Variants in CFAP47 observed in about 807,000 individuals in gnomAD.
CFAP47 encodes the protein cilia- and flagella-associated protein 47.
CFAP47 carries 29 observed loss-of-function variants against 148.1 expected under a neutral mutation model. The ratio of observed to expected loss-of-function variants is 0.20; its 90% confidence interval spans 0.15 to 0.27. The LOEUF is 0.27. Ranked by LOEUF, CFAP47 falls within the 10% of genes least tolerant of loss-of-function variation. CFAP47 has a pLI of 1.00. For missense variants in CFAP47, 1,872 were observed against 1,697.5 expected (o/e 1.10, Z -1.81); for synonymous variants, 664 against 577.3 (o/e 1.15, Z -2.15).
chrX:36,294,209 A>T (rs985714021), intron 51 of CFAP47, among the ~76,000 whole-genome samples: 1 of 110,832 alleles, frequency 9.0e-6, no homozygotes, highest in African/African-American at 3.3e-5. Context: ...TCATCCTGCA[A>T]CCTGAAAGAG....
intron 15 of CFAP47, among the ~76,000 whole-genome samples, 193 bp downstream of exon 15, chrX:35,976,106 C>T: frequency 9.0e-6 from 1 of 110,531 alleles, no homozygotes; most frequent in Non-Finnish European, 1.9e-5. Context: ...TGTTAGGGTT[C>T]TCCAGAGAAA....
At chrX:36,062,377 A>C (rs1012716967) in intron 26 of CFAP47, among the ~76,000 whole-genome samples, 3 of 111,766 alleles carry the variant, frequency 2.7e-5, no homozygotes, top group Non-Finnish European at 5.6e-5. Context: ...ATGAAGCTTC[A>C]AAGTTTTATT....
At chrX:36,081,409 G>C (rs1937979453) in intron 29 of CFAP47, among the ~76,000 whole-genome samples, 1 of 111,243 alleles carries the variant, frequency 9.0e-6, no homozygotes, top group African/African-American at 3.3e-5. Context: ...AATTCTACCA[G>C]ATATTCAAAG....
At chrX:36,371,678 A>ATATATGTGTGTATATACACACATGTG (rs1941944619) in intron 62 of CFAP47, among the ~76,000 whole-genome samples, 1 of 73,285 alleles carries the variant, frequency 1.4e-5, no homozygotes, top group African/African-American at 6.3e-5. Flanking sequence ...ACACATGTGT[A>ATATATGTGTGTATATACACACATGTG]TATATGTGTG....
At chrX:35,959,975 T>C (rs1289553447) in intron 8 of CFAP47, among the ~76,000 whole-genome samples, 1 of 110,305 alleles carries the variant, frequency 9.1e-6, no homozygotes, top group African/African-American at 3.3e-5. Context: ...TGTCAGGTTA[T>C]CACAGAATAT....
intron 2 of CFAP47, among the ~76,000 whole-genome samples, chrX:35,928,396 C>T (rs1935777439): frequency 9.0e-6 from 1 of 111,274 alleles, no homozygotes. Context: ...TTGCATTTCC[C>T]CAATGAATAA....
intron 15 of CFAP47, among the ~76,000 whole-genome samples, chrX:35,988,958 T>A (rs755753314): frequency 8.9e-6 from 1 of 112,276 alleles, no homozygotes; most frequent in East Asian, 2.8e-4. Context: ...GTGTGGGCAA[T>A]TTGGTTAGGA....
chrX:36,179,209 A>AT (rs1198068821), intron 39 of CFAP47, 136 bp from the exon 40 acceptor site: 1 of 269,648 alleles, frequency 3.7e-6, no homozygotes. Context: ...AAGCACATGG[A>AT]TTTTTTTAAA....
chrX:36,273,669 G>GT (rs1940983608), intron 49 of CFAP47, among the ~76,000 whole-genome samples: 1 of 111,233 alleles, frequency 9.0e-6, no homozygotes, highest in East Asian at 2.8e-4. Flanking sequence ...AACATAGCAT[G>GT]TACATATGTT....
intron 33 of CFAP47, among the ~76,000 whole-genome samples, chrX:36,132,663 A>G (rs149338936): frequency 2.5e-4 from 28 of 111,930 alleles, no homozygotes; most frequent in African/African-American, 9.0e-4. Context: ...AAAAGACAAG[A>G]TACAGGCATA....
intron 30 of CFAP47, among the ~76,000 whole-genome samples, chrX:36,086,352 T>C (rs1448662439): frequency 8.9e-6 from 1 of 112,001 alleles, no homozygotes; most frequent in Non-Finnish European, 1.9e-5. Context: ...GAACATGTTA[T>C]TACTCCCTCT....
intron 45 of CFAP47, among the ~76,000 whole-genome samples, chrX:36,214,011 A>C (rs1185943715): frequency 9.0e-6 from 1 of 111,364 alleles, no homozygotes; most frequent in Non-Finnish European, 1.9e-5. Flanking sequence ...ATGGCTTAAC[A>C]AAGGGGATAC....
intron 50 of CFAP47, among the ~76,000 whole-genome samples, chrX:36,283,123 T>G (rs1239073402): frequency 2.7e-5 from 3 of 111,725 alleles, no homozygotes; most frequent in Middle Eastern, 5.2e-3. Context: ...CCTGGAATTT[T>G]GTACAAATAT....
intron 45 of CFAP47, among the ~76,000 whole-genome samples, chrX:36,207,670 G>C (rs970576010): frequency 9.0e-6 from 1 of 110,898 alleles, no homozygotes. Flanking sequence ...CTTTTGGAAG[G>C]CCCCTCCCGC....
At chrX:36,314,849 A>C (rs782600957) in intron 56 of CFAP47, among the ~76,000 whole-genome samples, 1 of 111,822 alleles carries the variant, frequency 8.9e-6, no homozygotes, top group South Asian at 3.7e-4. Context: ...TTTTCAAAAG[A>C]TTACCTGTAC....
At chrX:36,079,390 T>C (rs1937929317) in intron 29 of CFAP47, among the ~76,000 whole-genome samples, 1 of 111,759 alleles carries the variant, frequency 8.9e-6, no homozygotes, top group Non-Finnish European at 1.9e-5. Context: ...TATTCTTTTT[T>C]CTCTAAACTT....
At chrX:36,330,484 C>T (rs1941555687) in intron 57 of CFAP47, among the ~76,000 whole-genome samples, 1 of 111,795 alleles carries the variant, frequency 8.9e-6, no homozygotes, top group African/African-American at 3.3e-5. Flanking sequence ...TGTATATTAT[C>T]ACCTAAATCC....
chrX:35,961,417 T>G (rs1490254183), intron 8 of CFAP47, among the ~76,000 whole-genome samples: 1 of 111,782 alleles, frequency 8.9e-6, no homozygotes, highest in African/African-American at 3.2e-5. Context: ...CTTTAAACGG[T>G]TGGTAGAATT....
At chrX:36,234,734 A>G (rs888583159) in intron 46 of CFAP47, among the ~76,000 whole-genome samples, 4 of 110,599 alleles carry the variant, frequency 3.6e-5, no homozygotes, top group Non-Finnish European at 7.6e-5. Flanking sequence ...TTTTTTCCCC[A>G]TCTTTGTGGT....
Sources: allele counts gnomAD v4.1 joint callset (sites outside exome capture counted in the v4.1 genomes callset), GRCh38; gene constraint gnomAD v4.1.1; transcripts MANE v1.5; gene names NCBI Gene and HGNC (gene_info 2026-07-23, HGNC 2026-07-21).